The following SFXN5 variants were observed in gnomAD, a reference collection of about 807,000 sequenced individuals.
SFXN5 encodes the protein sideroflexin-5.
In SFXN5, 43 loss-of-function variants were observed where a neutral mutation model predicts 50.2. The observed-to-expected ratio is 0.86, with a 90% CI of 0.67 to 1.11. SFXN5 has a LOEUF of 1.11. Among genes scored for constraint, SFXN5 ranks in the 50% least tolerant of loss-of-function variants. SFXN5 has a pLI of 0.00. For synonymous variants in SFXN5, 203 were observed against 185.8 expected, an observed-to-expected ratio of 1.09 and a Z score of -0.75; for missense variants, 463 against 454.1, an observed-to-expected ratio of 1.02 and a Z score of -0.18.
chr2:73,030,705 C>T (rs943360427), intron 3 of SFXN5, among the ~76,000 whole-genome samples: 1 of 152,188 alleles, frequency 6.6e-6, no homozygotes, highest in African/African-American at 2.4e-5. Context: ...ACGACATTCA[C>T]TACACTAGGT....
At chr2:73,061,604 T>C (rs954703794) in intron 1 of SFXN5, among the ~76,000 whole-genome samples, 1 of 152,170 alleles carries the variant, frequency 6.6e-6, no homozygotes, top group African/African-American at 2.4e-5. Context: ...TCTTGCAACC[T>C]TTCTGTAAGA....
intron 10 of SFXN5, among the ~76,000 whole-genome samples, chr2:72,976,044 A>G (rs1196412459): frequency 1.3e-5 from 2 of 152,236 alleles, no homozygotes; most frequent in African/African-American, 4.8e-5. Flanking sequence ...ATGTGAAAAA[A>G]GCTACTGAGT....
At chr2:73,018,564 A>G (rs1351035283) in intron 6 of SFXN5, among the ~76,000 whole-genome samples, 5 of 152,248 alleles carry the variant, frequency 3.3e-5, no homozygotes, top group Admixed American at 3.3e-4. Flanking sequence ...CAACTAATTA[A>G]CATAGAAGGA....
At chr2:72,964,551 G>T (rs1302490957) in intron 12 of SFXN5, among the ~76,000 whole-genome samples, 1 of 152,242 alleles carries the variant, frequency 6.6e-6, no homozygotes, top group Admixed American at 6.5e-5. Context: ...CAGGAACCTA[G>T]ATTTTGTTTT....
rs1574081444 is a variant in SFXN5, at chr2:73,001,657, C to A, written c.358-79G>T. ...TTTGCAAAGAAAAAATACGCTACCACAAATGAGTGAGCTGGATCTGTACAA... is the reference window on the plus strand; with the variant it reads ...TTTGCAAAGAAAAAATACGCTACCAAAAATGAGTGAGCTGGATCTGTACAA... On this transcript the variant is annotated intron_variant, in intron 6 of 13. Coordinates refer to ENST00000272433, the MANE Select transcript of SFXN5 (RefSeq NM_144579.3). 5.9e-6 allele frequency: 8 copies of A among 1,355,960 alleles called. No individual in the cohort carries two copies. The East Asian group carries it at 1.4e-4, about 23-fold the overall frequency. The allele number at this position is 1,355,960 out of a possible 1,614,324, so 84.0% of individuals were successfully genotyped here.
chr2:73,061,447 T>C (rs1204398621), intron 1 of SFXN5, among the ~76,000 whole-genome samples: 3 of 152,256 alleles, frequency 2.0e-5, no homozygotes, highest in African/African-American at 4.8e-5. Context: ...GATACTATAA[T>C]TGAATGCAGA....
chr2:73,042,996 G>C (rs528358057), intron 2 of SFXN5, among the ~76,000 whole-genome samples: 1 of 151,446 alleles, frequency 6.6e-6, no homozygotes, highest in South Asian at 2.1e-4. Context: ...TGAACCTGGG[G>C]GGCAAAGGTT....
chr2:73,062,657 A>C (rs1178653526), intron 1 of SFXN5, among the ~76,000 whole-genome samples: 1 of 152,198 alleles, frequency 6.6e-6, no homozygotes, highest in Admixed American at 6.5e-5. Context: ...GACAGACACC[A>C]AATGAACAAG....
chr2:72,988,446 G>T (rs1372496314), intron 9 of SFXN5, 98 bp from the exon 10 acceptor site: 1 of 1,041,772 alleles, frequency 9.6e-7, no homozygotes, highest in African/African-American at 1.6e-5. Flanking sequence ...GAGAGTGAGG[G>T]ATGTCATCTT....
chr2:72,967,446 TG>T (rs1390403556), intron 12 of SFXN5: 2 of 152,130 alleles, frequency 1.3e-5, no homozygotes, highest in Non-Finnish European at 2.9e-5. Flanking sequence ...TCTGATGGGG[TG>T]GTCAGGGAGG....
intron 1 of SFXN5, among the ~76,000 whole-genome samples, 194 bp from the exon 2 acceptor site, chr2:73,058,790 C>CA (rs1396974806): frequency 6.6e-6 from 1 of 152,168 alleles, no homozygotes; most frequent in Admixed American, 6.5e-5. Context: ...AAAGTCAACT[C>CA]AGAGAGACCA....
intron 13 of SFXN5, among the ~76,000 whole-genome samples, chr2:72,949,547 C>T (rs548383067): frequency 6.6e-6 from 1 of 152,202 alleles, no homozygotes; most frequent in Non-Finnish European, 1.5e-5. Flanking sequence ...AATTCTTGGC[C>T]TCAAGTGATC....
intron 1 of SFXN5, among the ~76,000 whole-genome samples, chr2:73,064,964 T>C (rs1683068852): frequency 6.6e-6 from 1 of 152,164 alleles, no homozygotes; most frequent in Non-Finnish European, 1.5e-5. Context: ...TTTTTATATT[T>C]TTTGTAGAGA....
At position 72,992,625 on chromosome 2, in the gene SFXN5, G is replaced by T. The variant is rs931149828; in HGVS notation, c.535-4277C>A. On this transcript the variant is annotated intron_variant, in intron 9 of 13. Transcript: ENST00000272433. The surrounding 1 kb of genome is among the most constrained non-coding windows in gnomAD (Gnocchi z 4.5). Reference sequence around the variant, plus strand: ...TGGGCAGGAGCCTCCTGGGGCCCACGTGTAACCATGGCTCCCTGGTGCATC... The same window carrying T: ...TGGGCAGGAGCCTCCTGGGGCCCACTTGTAACCATGGCTCCCTGGTGCATC... Among the ~76,000 whole-genome samples, 1 of 152,180 alleles carries T rather than the reference G, an allele frequency of 6.6e-6. No individual in the cohort carries two copies. The highest frequency in any genetic ancestry group is 1.5e-5 in the Non-Finnish European group (1 of 68,028).
chr2:72,991,914 G>C (rs1249036855), intron 9 of SFXN5, among the ~76,000 whole-genome samples: 1 of 152,232 alleles, frequency 6.6e-6, no homozygotes, highest in African/African-American at 2.4e-5. Flanking sequence ...GGGTCCCCCA[G>C]GATCTGTTTT....
intron 12 of SFXN5, among the ~76,000 whole-genome samples, chr2:72,964,290 G>A (rs528079520): frequency 1.6e-4 from 25 of 152,234 alleles, no homozygotes; most frequent in Non-Finnish European, 3.1e-4. Flanking sequence ...ACCCAACAGG[G>A]GCTCCCCAAG....
rs533428493 is a variant in SFXN5, at chr2:73,046,807, G to A, written c.172-5876C>T. Among the ~76,000 whole-genome samples, 11 of 152,074 alleles carry A rather than the reference G, an allele frequency of 7.2e-5. No homozygotes were observed. In the South Asian group the frequency reaches 2.3e-3, roughly 32 times the overall value. The stretch of plus-strand genomic sequence containing the variant: ...TTTTAAATTTAAAAATTCCATCAAA[G>A]ATTTTGAAGTTACACTATCCAGTGC... On this transcript the variant is annotated intron_variant, in intron 2 of 13. Coordinates refer to ENST00000272433, the MANE Select transcript of SFXN5 (RefSeq NM_144579.3).
rs1186780271 is a variant in SFXN5 at position 72,944,988 on chromosome 2, G to A, written c.*34C>T. ...GGCCCTGCCCCTCAGCTCCCCGGCTGCACAGTGCTCCGTCCCCAGGCCGCT... is the reference window on the plus strand; with the variant it reads ...GGCCCTGCCCCTCAGCTCCCCGGCTACACAGTGCTCCGTCCCCAGGCCGCT... On this transcript the variant is annotated 3_prime_UTR_variant, in exon 14 of 14. Coordinates refer to ENST00000272433, the MANE Select transcript of SFXN5 (RefSeq NM_144579.3). The A allele has an allele frequency of 2.5e-6, 4 of 1,601,940 alleles. No individual in the cohort carries two copies. The highest frequency in any genetic ancestry group is 2.2e-5 in the East Asian group (1 of 44,712).
At chr2:72,966,159 T>G (rs777595912) in intron 12 of SFXN5, among the ~76,000 whole-genome samples, 2 of 152,186 alleles carry the variant, frequency 1.3e-5, no homozygotes, top group African/African-American at 4.8e-5. Context: ...TCTCGAGCCA[T>G]GGGGCACCAG....
Sources: allele counts gnomAD v4.1 joint callset (sites outside exome capture counted in the v4.1 genomes callset), GRCh38; gene constraint gnomAD v4.1.1; non-coding constraint Gnocchi (gnomAD v3.1); transcripts MANE v1.5; gene names NCBI Gene and HGNC (gene_info 2026-07-23, HGNC 2026-07-21).